Variants in CSMD3 observed in about 807,000 individuals in gnomAD.
The protein encoded by CSMD3 is CUB and sushi domain-containing protein 3.
Under a neutral mutation model 435.2 loss-of-function variants are expected in CSMD3, and 177 were observed. The ratio of observed to expected loss-of-function variants is 0.41; its 90% confidence interval spans 0.36 to 0.46. The LOEUF is 0.46. Ranked by LOEUF, CSMD3 falls within the 20% of genes least tolerant of loss-of-function variation. The pLI, the probability that CSMD3 is intolerant of heterozygous loss-of-function variation, is 0.34. For synonymous variants in CSMD3, 1,656 were observed against 1,520.5 expected (o/e 1.09, Z -2.07); for missense variants, 4,265 against 4,504.6 (o/e 0.95, Z 1.52).
intron 49 of CSMD3, among the ~76,000 whole-genome samples, chr8:112,311,637 C>G (rs1315595796): frequency 1.3e-5 from 2 of 152,092 alleles, no homozygotes; most frequent in Non-Finnish European, 2.9e-5. Context: ...AAATAAGCCC[C>G]CACATTCCAT....
intron 35 of CSMD3, among the ~76,000 whole-genome samples, chr8:112,404,598 G>A (rs1831611202): frequency 6.6e-6 from 1 of 151,782 alleles, no homozygotes; most frequent in Non-Finnish European, 1.5e-5. Flanking sequence ...CAGTAGAAAT[G>A]AATGTACCTT....
intron 10 of CSMD3, among the ~76,000 whole-genome samples, chr8:112,859,869 C>A (rs939991575): frequency 4.0e-5 from 6 of 151,670 alleles, no homozygotes; most frequent in African/African-American, 1.5e-4. Context: ...AGCTAGTGAC[C>A]ATACTGTTTC....
chr8:113,259,721 A>G (rs920001159), intron 3 of CSMD3, among the ~76,000 whole-genome samples: 1 of 152,176 alleles, frequency 6.6e-6, no homozygotes, highest in Admixed American at 6.6e-5. Flanking sequence ...AAGCTATGAA[A>G]ATGCTTTAAG....
intron 3 of CSMD3, among the ~76,000 whole-genome samples, chr8:113,187,981 T>C (rs2092533072): frequency 6.6e-6 from 1 of 152,040 alleles, no homozygotes; most frequent in African/African-American, 2.4e-5. Flanking sequence ...TTGCTTACAC[T>C]ATTTGAAATA....
chr8:113,067,230 C>T (rs1202558410), intron 5 of CSMD3, among the ~76,000 whole-genome samples: 2 of 152,104 alleles, frequency 1.3e-5, no homozygotes, highest in African/African-American at 4.8e-5. Flanking sequence ...TGTCCAGTCT[C>T]AGTTCTTTAT....
intron 30 of CSMD3, among the ~76,000 whole-genome samples, chr8:112,497,729 T>C (rs1422100035): frequency 6.6e-6 from 1 of 152,002 alleles, no homozygotes; most frequent in East Asian, 1.9e-4. Context: ...TGTTTTACAA[T>C]GATCATTATA....
rs758116699 is a variant in CSMD3, at chr8:112,244,377, C to T, written c.10402+17G>A. On this transcript the variant is annotated intron_variant, in intron 65 of 70. Coordinates refer to ENST00000297405, the MANE Select transcript of CSMD3 (RefSeq NM_198123.2). ...TGCAATCTCTTGTGTTAAAAAGATTCTATAGAGAAAACTTACCTTCACAAA... is the reference window on the plus strand; with the variant it reads ...TGCAATCTCTTGTGTTAAAAAGATTTTATAGAGAAAACTTACCTTCACAAA... 1.2e-6 allele frequency: 2 copies of T among 1,602,204 alleles called. No individual in the cohort carries two copies. Among genetic ancestry groups the T allele is most frequent in the African/African-American group, 2.7e-5 (2 of 74,636 alleles).
At chr8:113,223,030 C>T (rs1212912189) in intron 3 of CSMD3, among the ~76,000 whole-genome samples, 3 of 150,616 alleles carry the variant, frequency 2.0e-5, no homozygotes, top group Non-Finnish European at 4.5e-5. Flanking sequence ...CTTCATTTTG[C>T]TTATTCCTAA....
chr8:112,242,813 A>G (rs950984), intron 65 of CSMD3, among the ~76,000 whole-genome samples: 1,696 of 152,228 alleles, frequency 0.011, 42 homozygotes, highest in African/African-American at 0.038. Context: ...CTAAAATAAG[A>G]TAAATAAGCC....
rs530552419 is a variant in CSMD3 at position 112,659,597 on chromosome 8, A to T, written c.2817-3256T>A. Reference sequence around the variant, plus strand: ...GATAGGAAAAGGAACCGAAAAATACACTTTGAATGATGGATAGTAAAATGA... The same window carrying T: ...GATAGGAAAAGGAACCGAAAAATACTCTTTGAATGATGGATAGTAAAATGA... On this transcript the variant is annotated intron_variant, in intron 17 of 70. Coordinates refer to ENST00000297405, the MANE Select transcript of CSMD3 (RefSeq NM_198123.2). Among the ~76,000 whole-genome samples the T allele has an allele frequency of 1.7e-3, 255 of 152,300 alleles. 1 individual carries two copies. Among genetic ancestry groups the T allele is most frequent in the Non-Finnish European group, 2.0e-3 (133 of 68,000 alleles).
In CSMD3 at chr8:112,556,923, G is replaced by T. The variant is rs1828172684; in HGVS notation, c.4074C>A (p.Gly1358=). 1 of 1,611,922 alleles carries T rather than the reference G, an allele frequency of 6.2e-7. No homozygotes were observed. The highest frequency in any genetic ancestry group is 8.5e-7 in the Non-Finnish European group (1 of 1,178,704). The change falls in exon 25 of 71, where the codon GGC becomes GGA. Residue 1358 remains glycine, a synonymous_variant. Transcript: ENST00000297405. ...SFELSHCEDP[G]IPQFGYKISD... The stretch of plus-strand genomic sequence containing the variant: ...TGATCTTGTATCCAAATTGTGGAAT[G>T]CCAGGATCTTCACAGTGTGAGAGTT...
At chr8:112,819,292 T>C (rs2079463974) in intron 12 of CSMD3, among the ~76,000 whole-genome samples, 2 of 152,012 alleles carry the variant, frequency 1.3e-5, no homozygotes, top group Admixed American at 1.3e-4. Flanking sequence ...TGGGTTGACA[T>C]GGGTTATGAT....
At chr8:112,990,024 C>A (rs1177271103) in intron 6 of CSMD3, among the ~76,000 whole-genome samples, 1 of 151,972 alleles carries the variant, frequency 6.6e-6, no homozygotes, top group Non-Finnish European at 1.5e-5. Flanking sequence ...AAGCTCTTGC[C>A]TCCTGCCATG....
chr8:112,723,479 G>A (rs896188926), intron 13 of CSMD3, among the ~76,000 whole-genome samples: 15 of 152,234 alleles, frequency 9.9e-5, no homozygotes, highest in East Asian at 1.9e-4. Context: ...TCATTAAAGC[G>A]TAAGATAAAT....
chr8:112,767,848 C>T (rs534553845), intron 13 of CSMD3, among the ~76,000 whole-genome samples: 2 of 151,734 alleles, frequency 1.3e-5, no homozygotes, highest in Non-Finnish European at 2.9e-5. Flanking sequence ...TTTCCCTCTG[C>T]TAGAATGTTA....
intron 1 of CSMD3, among the ~76,000 whole-genome samples, chr8:113,411,839 T>C (rs989756990): frequency 6.6e-6 from 1 of 152,152 alleles, no homozygotes; most frequent in African/African-American, 2.4e-5. Context: ...CATGGTAGTT[T>C]CATGATGGAA....
chr8:112,324,719 G>T (rs1287548647), intron 45 of CSMD3, among the ~76,000 whole-genome samples: 1 of 151,926 alleles, frequency 6.6e-6, no homozygotes, highest in Non-Finnish European at 1.5e-5. Flanking sequence ...TTTATTTTAA[G>T]CTGAGACCAA....
intron 5 of CSMD3, among the ~76,000 whole-genome samples, chr8:113,059,443 C>G (rs2088502487): frequency 6.6e-6 from 1 of 152,062 alleles, no homozygotes; most frequent in Non-Finnish European, 1.5e-5. Context: ...CTCATTTTCC[C>G]TCCTATCTTT....
chr8:112,661,578 A>G (rs919437176), intron 17 of CSMD3, among the ~76,000 whole-genome samples: 10 of 152,250 alleles, frequency 6.6e-5, no homozygotes, highest in African/African-American at 2.2e-4. Context: ...GTGTTTATTT[A>G]TTTAATGATG....
Sources: gnomAD v4.1 joint callset for allele counts (sites outside exome capture counted in the v4.1 genomes callset) on GRCh38, gnomAD v4.1.1 for gene constraint, MANE v1.5 for transcripts, NCBI Gene and HGNC (gene_info 2026-07-23, HGNC 2026-07-21) for gene names.